MOSMO: variants seen among roughly 807,000 people sequenced by gnomAD.
The protein encoded by MOSMO is modulator of smoothened protein.
In MOSMO, 5 loss-of-function variants were observed where a neutral mutation model predicts 18.4. The observed-to-expected ratio is 0.27, with a 90% confidence interval of 0.14 to 0.57. MOSMO has a LOEUF of 0.57. Ranked by LOEUF, MOSMO falls within the 20% of genes least tolerant of loss-of-function variation. The pLI, the probability that MOSMO is intolerant of heterozygous loss-of-function variation, is 0.92. For synonymous variants in MOSMO, 82 were observed against 82.3 expected, an observed-to-expected ratio of 1.00 and a Z score of 0.02; for missense variants, 138 against 211.8, an observed-to-expected ratio of 0.65 and a Z score of 2.16.
At chr16:22,010,896 G>A (rs1430719288) in intron 1 of MOSMO, among the ~76,000 whole-genome samples, 1 of 151,522 alleles carries the variant, frequency 6.6e-6, no homozygotes, top group Non-Finnish European at 1.5e-5. Context: ...ACTCTGGCCT[G>A]GGCGACAGAA....
intron 1 of MOSMO, among the ~76,000 whole-genome samples, chr16:22,071,241 A>G (rs996092618): frequency 6.6e-6 from 1 of 152,180 alleles, no homozygotes; most frequent in African/African-American, 2.4e-5. Flanking sequence ...CCGTGAGAGG[A>G]GGAGAGCATT....
chr16:22,071,269 G>A (rs954824121), intron 1 of MOSMO, among the ~76,000 whole-genome samples: 4 of 152,198 alleles, frequency 2.6e-5, no homozygotes, highest in Admixed American at 1.3e-4. Flanking sequence ...GGAGGAAAAC[G>A]TAACAGGGAG....
intron 1 of MOSMO, among the ~76,000 whole-genome samples, chr16:22,015,834 T>C (rs1344115825): frequency 6.6e-6 from 1 of 152,150 alleles, no homozygotes; most frequent in African/African-American, 2.4e-5. Flanking sequence ...CTAAATGTTT[T>C]TGGAGAAGGG....
intron 1 of MOSMO, among the ~76,000 whole-genome samples, chr16:22,017,668 T>A (rs1178738471): frequency 6.6e-6 from 1 of 152,188 alleles, no homozygotes; most frequent in Non-Finnish European, 1.5e-5. Context: ...TGAAGATCTT[T>A]GAATATCAGG....
At chr16:22,014,486 AC>A (rs1899599171) in intron 1 of MOSMO, among the ~76,000 whole-genome samples, 1 of 152,064 alleles carries the variant, frequency 6.6e-6, no homozygotes, top group Non-Finnish European at 1.5e-5. Flanking sequence ...CCTCCTACCT[AC>A]TTCATAGGAA....
chr16:22,085,998 G>A (rs1172237647), downstream of MOSMO: 1 of 152,134 alleles, frequency 6.6e-6, no homozygotes, highest in Non-Finnish European at 1.5e-5. Context: ...CATGTCCAGT[G>A]TTTTCACTTT....
At chr16:22,031,754 C>G (rs1237445961) in intron 1 of MOSMO, among the ~76,000 whole-genome samples, 1 of 152,166 alleles carries the variant, frequency 6.6e-6, no homozygotes, top group Non-Finnish European at 1.5e-5. Flanking sequence ...TTCCATTCAT[C>G]AGTAAGTAGA....
chr16:22,079,914 G>A (rs1354882847), intron 2 of MOSMO, among the ~76,000 whole-genome samples: 1 of 152,274 alleles, frequency 6.6e-6, no homozygotes, highest in East Asian at 1.9e-4. Flanking sequence ...CTCCTGAGTA[G>A]CTGGGATTAC....
At chr16:22,053,818 GTTA>G (rs778103411) in intron 1 of MOSMO, among the ~76,000 whole-genome samples, 4 of 152,110 alleles carry the variant, frequency 2.6e-5, no homozygotes, top group Non-Finnish European at 4.4e-5. Context: ...AAAAGAAGTG[GTTA>G]TTGCTTCAAG....
At chr16:22,077,659 G>A (rs1900996153) in intron 2 of MOSMO, among the ~76,000 whole-genome samples, 2 of 151,880 alleles carry the variant, frequency 1.3e-5, no homozygotes, top group Non-Finnish European at 2.9e-5. Flanking sequence ...ATATATCTTT[G>A]AGCTAATTTC....
chr16:22,041,090 TG>T (rs1466617241), intron 1 of MOSMO, among the ~76,000 whole-genome samples: 3 of 152,170 alleles, frequency 2.0e-5, no homozygotes, highest in African/African-American at 7.2e-5. Context: ...GGAAGATCTT[TG>T]GATTTAGAGA....
intron 1 of MOSMO, among the ~76,000 whole-genome samples, chr16:22,047,805 G>C (rs1198544849): frequency 6.6e-6 from 1 of 152,192 alleles, no homozygotes; most frequent in Non-Finnish European, 1.5e-5. Flanking sequence ...CTGAGTACCT[G>C]TGAAAGATAG....
intron 1 of MOSMO, among the ~76,000 whole-genome samples, chr16:22,020,370 CTG>C (rs1899733462): frequency 6.9e-6 from 1 of 144,230 alleles, no homozygotes; most frequent in Admixed American, 7.0e-5. Context: ...TCTCGGATCA[CTG>C]CAACCTCCGC....
At chr16:22,087,032 A>G (rs1259519474), downstream of MOSMO, 1 of 152,190 alleles carries the variant, frequency 6.6e-6, no homozygotes, top group Admixed American at 6.5e-5. Context: ...GCTATATAAT[A>G]TATCAGTTCC....
At chr16:22,032,614 A>G (rs1900018644) in intron 1 of MOSMO, among the ~76,000 whole-genome samples, 1 of 152,104 alleles carries the variant, frequency 6.6e-6, no homozygotes, top group Non-Finnish European at 1.5e-5. Context: ...GACCCCAATC[A>G]TAGCTCACTG....
Position 22,016,406 on chromosome 16 carries a change from C to G in MOSMO, c.106+7999C>G, listed in dbSNP as rs111452766. On this transcript the variant is annotated intron_variant, in intron 1 of 2. Coordinates refer to ENST00000542527, the MANE Select transcript of MOSMO (RefSeq NM_001164579.2). ...AGTGTTTCCCTTTTGTACTGTCTGT[C>G]TTATTTATTTACTTATACCTGCCTT... 1.8e-3 allele frequency among the ~76,000 whole-genome samples: 277 copies of G among 152,208 alleles called. 1 individual carries two copies. Among genetic ancestry groups the G allele is most frequent in the African/African-American group, 6.2e-3 (259 of 41,534 alleles).
rs72336979 is a variant in MOSMO, at chr16:22,023,997, T to TTA, written c.106+15608_106+15609dup. Among the ~76,000 whole-genome samples, 156 of 126,330 alleles carry TTA rather than the reference T, an allele frequency of 1.2e-3. 2 individuals are homozygous for TTA. The highest frequency in any genetic ancestry group is 8.5e-3 in the Middle Eastern group (2 of 236). 82.9% of individuals were successfully genotyped at this position (126,330 alleles called of 152,430 possible). On this transcript the variant is annotated intron_variant, in intron 1 of 2. Transcript: ENST00000542527. ...ATGCTGCTATAGAATTTTGTACAAA[T>TTA]TATATATATATATATATATTTTCTT...
chr16:22,027,194 C>T (rs1414800892), intron 1 of MOSMO, among the ~76,000 whole-genome samples: 1 of 152,186 alleles, frequency 6.6e-6, no homozygotes, highest in Non-Finnish European at 1.5e-5. Flanking sequence ...ATTAGGTTAA[C>T]TGCGTTTCTA....
rs887249447 is a variant in MOSMO at position 22,075,545 on chromosome 16, G to A, written c.165G>A (p.Thr55=). 2.0e-5 allele frequency: 30 copies of A among 1,537,160 alleles called. No homozygotes were observed. Among genetic ancestry groups the A allele is most frequent in the African/African-American group, 6.8e-5 (5 of 73,028 alleles). ...QCQTIHGRDR[T]CIPPRLPPEW... ...AAACAATCCATGGACGAGACCGGACGTGCATCCCTCCCCGGCTTCCCCCGG... is the reference window on the plus strand; with the variant it reads ...AAACAATCCATGGACGAGACCGGACATGCATCCCTCCCCGGCTTCCCCCGG... Residue 55 remains threonine, a synonymous_variant, in exon 2 of 3, where the codon ACG becomes ACA. Transcript: ENST00000542527.
Sources: allele counts gnomAD v4.1 joint callset (sites outside exome capture counted in the v4.1 genomes callset), GRCh38; gene constraint gnomAD v4.1.1; transcripts MANE v1.5; gene names NCBI Gene and HGNC (gene_info 2026-07-23, HGNC 2026-07-21).